The following USP32 variants were observed in gnomAD, a reference collection of about 807,000 sequenced individuals.
The protein encoded by USP32 is ubiquitin carboxyl-terminal hydrolase 32.
In USP32, 59 loss-of-function variants were observed where a neutral mutation model predicts 204.8. The ratio of observed to expected loss-of-function variants is 0.29; its 90% CI spans 0.23 to 0.36. USP32 has a LOEUF of 0.36. USP32 is among the 10% of genes least tolerant of loss of function. The probability of loss-of-function intolerance (pLI) is 1.00; values close to 1 mark genes in which losing one functional copy is unlikely to be tolerated. For synonymous variants in USP32, 517 were observed against 678.4 expected (o/e 0.76, Z 3.70); for missense variants, 1,160 against 1,946.4 (o/e 0.60, Z 7.60).
At position 60,177,693 on chromosome 17, in the gene USP32, T is replaced by C. The variant is rs945748421; in HGVS notation, c.*1562A>G. 2.0e-5 allele frequency among the ~76,000 whole-genome samples: 3 copies of C among 152,234 alleles called. No homozygotes were observed. The highest frequency in any genetic ancestry group is 7.2e-5 in the African/African-American group (3 of 41,464). ...TTAGACAATTTAGGCCAGTCCTACC[T>C]ACTTGCAATTATATTTTTTCTGAAA... is the stretch of plus-strand genomic sequence containing the variant. On this transcript the variant is annotated 3_prime_UTR_variant, in exon 34 of 34. Coordinates refer to ENST00000300896, the MANE Select transcript of USP32 (RefSeq NM_032582.4).
At chr17:60,234,281 TTTG>T (rs924553861) in intron 12 of USP32, among the ~76,000 whole-genome samples, 1 of 151,382 alleles carries the variant, frequency 6.6e-6, no homozygotes, top group African/African-American at 2.4e-5. Flanking sequence ...GCCCGGCTAA[TTTG>T]TTGTATTTTC....
chr17:60,294,568 A>T, intron 4 of USP32, 115 bp downstream of exon 4: 1 of 569,878 alleles, frequency 1.8e-6, no homozygotes, highest in Non-Finnish European at 3.0e-6. Context: ...AAATATAAAA[A>T]TGCCAAGAGT....
intron 2 of USP32, among the ~76,000 whole-genome samples, chr17:60,340,720 A>G (rs952143371): frequency 2.6e-5 from 4 of 152,314 alleles, no homozygotes; most frequent in Non-Finnish European, 5.9e-5. Context: ...TTATGATGTT[A>G]GCTGGTTATT....
chr17:60,183,486 A>G, intron 30 of USP32, 33 bp from the exon 31 acceptor site: 1 of 1,551,944 alleles, frequency 6.4e-7, no homozygotes, highest in Non-Finnish European at 8.7e-7. Flanking sequence ...CATCTGCATT[A>G]AAGGGTTCTG....
chr17:60,359,180 A>C (rs1326645540), intron 1 of USP32, among the ~76,000 whole-genome samples: 1 of 152,124 alleles, frequency 6.6e-6, no homozygotes, highest in Non-Finnish European at 1.5e-5. Flanking sequence ...CACCACCTAA[A>C]ATGTTAGGTG....
intron 13 of USP32, 80 bp from the exon 14 acceptor site, chr17:60,223,666 C>T: frequency 4.9e-6 from 6 of 1,221,402 alleles, no homozygotes; most frequent in Non-Finnish European, 6.8e-6. Context: ...ACTCAATGCC[C>T]ATGTATTGTA....
intron 12 of USP32, chr17:60,231,575 C>T (rs535075180): frequency 2.3e-5 from 12 of 518,318 alleles, no homozygotes; most frequent in Admixed American, 3.9e-5. Flanking sequence ...CGACGATCCT[C>T]GAGGGCTGCT....
chr17:60,298,160 T>C (rs560244267), intron 3 of USP32, among the ~76,000 whole-genome samples: 22 of 152,308 alleles, frequency 1.4e-4, no homozygotes, highest in African/African-American at 4.6e-4. Context: ...AAAGTAAACA[T>C]GGGACACATA....
At chr17:60,215,807 G>A (rs1402961081) in intron 16 of USP32, among the ~76,000 whole-genome samples, 1 of 152,078 alleles carries the variant, frequency 6.6e-6, no homozygotes, top group Non-Finnish European at 1.5e-5. Context: ...AAGCTGTAGT[G>A]CGGTGCGGCA....
intron 24 of USP32, chr17:60,207,839 T>G: frequency 1.6e-6 from 1 of 644,330 alleles, no homozygotes. Flanking sequence ...CGTATTTCCC[T>G]TCTTCAAAAA....
At chr17:60,393,526 C>G (rs2089872683), upstream of USP32, among the ~76,000 whole-genome samples, 2 of 152,118 alleles carry the variant, frequency 1.3e-5, no homozygotes, top group Non-Finnish European at 2.9e-5. Flanking sequence ...CGGAATAAAG[C>G]TTCTGGAAAA....
chr17:60,349,600 T>TATATATATATATATA (rs2088882985), intron 1 of USP32, among the ~76,000 whole-genome samples: 1 of 48,388 alleles, frequency 2.1e-5, no homozygotes, highest in Non-Finnish European at 3.2e-5. Context: ...AAAAAAAATA[T>TATATATATATATATA]ATATATATAT....
chr17:60,273,994 T>C (rs1390004634), intron 5 of USP32, among the ~76,000 whole-genome samples: 1 of 129,084 alleles, frequency 7.7e-6, no homozygotes, highest in Non-Finnish European at 1.6e-5. Flanking sequence ...AATTAGTCAA[T>C]AGAAAAAGAC....
intron 2 of USP32, among the ~76,000 whole-genome samples, chr17:60,326,001 T>C (rs1190218623): frequency 7.2e-6 from 1 of 139,060 alleles, no homozygotes; most frequent in Non-Finnish European, 1.6e-5. Context: ...AAAGTAAAAA[T>C]ATTTAGAACT....
At chr17:60,239,666 T>C (rs2085825561) in intron 11 of USP32, among the ~76,000 whole-genome samples, 1 of 152,214 alleles carries the variant, frequency 6.6e-6, no homozygotes, top group South Asian at 2.1e-4. Flanking sequence ...TGGTTCCTTT[T>C]TATACTTTCT....
Position 60,205,610 on chromosome 17 carries a change from T to G in USP32, c.3086A>C (p.Asn1029Thr). ...STNEMFTLTT[N>T]GDLPRPIFIP... ...GAATATTGGTCGGGGTAGGTCCCCATTGGTAGTTAGGGTGAACATTTCATT... is the reference window on the plus strand; with the variant it reads ...GAATATTGGTCGGGGTAGGTCCCCAGTGGTAGTTAGGGTGAACATTTCATT... The change falls in exon 26 of 34, where the codon AAT becomes ACT. Residue 1029 changes from asparagine to threonine, a missense_variant. Physicochemically the swap from Asn to Thr is moderately conservative, Grantham distance 65. Around this residue, in one of 8 missense-constraint regions of USP32, gnomAD observed 47 missense variants for 71.1 expected, o/e 0.66. Coordinates refer to ENST00000300896, the MANE Select transcript of USP32 (RefSeq NM_032582.4). The G allele has an allele frequency of 6.2e-7, 1 of 1,613,954 alleles. No homozygotes were observed. The highest frequency in any genetic ancestry group is 1.1e-5 in the South Asian group (1 of 91,076).
intron 11 of USP32, among the ~76,000 whole-genome samples, chr17:60,238,948 C>G: frequency 6.6e-6 from 1 of 152,144 alleles, no homozygotes; most frequent in East Asian, 1.9e-4. Flanking sequence ...CAGTGTGAGA[C>G]TGTCTCAAAA....
intron 2 of USP32, among the ~76,000 whole-genome samples, chr17:60,320,710 A>G (rs189904076): frequency 6.6e-6 from 1 of 152,256 alleles, no homozygotes; most frequent in East Asian, 1.9e-4. Context: ...TGCTGCACAC[A>G]GTTATATAAA....
intron 23 of USP32, 32 bp downstream of exon 23, chr17:60,208,622 G>C (rs780310870): frequency 1.0e-5 from 15 of 1,464,734 alleles, no homozygotes; most frequent in Middle Eastern, 1.8e-4. Flanking sequence ...ATTTAATGGA[G>C]TCAAGTAATT....
Sources: allele counts gnomAD v4.1 joint callset (sites outside exome capture counted in the v4.1 genomes callset), GRCh38; gene constraint gnomAD v4.1.1; regional missense constraint gnomAD v4.1.1; transcripts MANE v1.5; gene names NCBI Gene and HGNC (gene_info 2026-07-23, HGNC 2026-07-21).